NKAIN2: variants seen among roughly 807,000 people sequenced by gnomAD.
The protein encoded by NKAIN2 is sodium/potassium-transporting ATPase subunit beta-1-interacting protein 2.
NKAIN2 carries 14 observed loss-of-function variants against 32.6 expected under a neutral mutation model. The observed-to-expected ratio is 0.43, with a 90% confidence interval of 0.28 to 0.67. The LOEUF (loss-of-function observed/expected upper bound fraction) is 0.67, where lower values mean the gene tolerates loss of function less well. Ranked by LOEUF, NKAIN2 falls within the 30% of genes least tolerant of loss-of-function variation. The pLI is 0.17. For missense variants in NKAIN2, 198 were observed against 258.3 expected, an observed-to-expected ratio of 0.77 and a Z score of 1.60; for synonymous variants, 80 against 87.2, an observed-to-expected ratio of 0.92 and a Z score of 0.46.
chr6:124,755,247 A>G (rs1777909062), intron 4 of NKAIN2, among the ~76,000 whole-genome samples: 2 of 152,152 alleles, frequency 1.3e-5, no homozygotes, highest in Non-Finnish European at 1.5e-5. Flanking sequence ...GACATCCAAT[A>G]TGGGAGAAAG....
chr6:124,025,605 G>A (rs1020755639), intron 1 of NKAIN2, among the ~76,000 whole-genome samples: 1 of 152,042 alleles, frequency 6.6e-6, no homozygotes, highest in Non-Finnish European at 1.5e-5. Context: ...ATAAGTTCTG[G>A]GTATCTATTG....
At chr6:124,009,587 A>G (rs1179593409) in intron 1 of NKAIN2, among the ~76,000 whole-genome samples, 1 of 152,084 alleles carries the variant, frequency 6.6e-6, no homozygotes, top group African/African-American at 2.4e-5. Context: ...CCAAATGGGT[A>G]CTTCTGAGTT....
chr6:124,552,436 T>C (rs1409046196), intron 3 of NKAIN2, among the ~76,000 whole-genome samples: 1 of 152,198 alleles, frequency 6.6e-6, no homozygotes, highest in African/African-American at 2.4e-5. Flanking sequence ...TCCTTTATAA[T>C]CCAGTAGCTG....
At chr6:124,696,762 G>A (rs571997094) in intron 4 of NKAIN2, among the ~76,000 whole-genome samples, 1 of 147,408 alleles carries the variant, frequency 6.8e-6, no homozygotes, top group African/African-American at 2.6e-5. Flanking sequence ...AAAAGTAAAA[G>A]GATCTATTTT....
At chr6:124,449,999 T>C (rs1776036309) in intron 3 of NKAIN2, among the ~76,000 whole-genome samples, 1 of 152,136 alleles carries the variant, frequency 6.6e-6, no homozygotes, top group African/African-American at 2.4e-5. Flanking sequence ...TGACTTTCAA[T>C]GGATGCAGTC....
chr6:123,869,610 T>C (rs1036713863), intron 1 of NKAIN2, among the ~76,000 whole-genome samples: 1 of 152,204 alleles, frequency 6.6e-6, no homozygotes, highest in African/African-American at 2.4e-5. Context: ...AGTCATTCAA[T>C]TGGATTCATA....
At position 124,330,167 on chromosome 6, in the gene NKAIN2, C is replaced by T. The variant is rs368931358; in HGVS notation, c.193-25100C>T. Among the ~76,000 whole-genome samples, 16 of 152,262 alleles carry T rather than the reference C, an allele frequency of 1.1e-4. No individual in the cohort carries two copies. The East Asian group carries it at 3.1e-3, about 29-fold the overall frequency. ...TTAAGAGTTTCAGTGTTACTGAATG[C>T]CAAGAACTATTATCACACCATCTAT... On this transcript the variant is annotated intron_variant, in intron 2 of 6. Transcript: ENST00000368417.
intron 2 of NKAIN2, among the ~76,000 whole-genome samples, chr6:124,328,387 A>G (rs1236562908): frequency 6.6e-6 from 1 of 152,138 alleles, no homozygotes; most frequent in Non-Finnish European, 1.5e-5. Flanking sequence ...TTCTACTACT[A>G]CAGTTTATGC....
chr6:124,022,738 A>G (rs1780920782), intron 1 of NKAIN2, among the ~76,000 whole-genome samples: 1 of 152,196 alleles, frequency 6.6e-6, no homozygotes, highest in Admixed American at 6.5e-5. Context: ...ACAGATTAGC[A>G]ATTTAAATAG....
intron 1 of NKAIN2, among the ~76,000 whole-genome samples, chr6:124,272,697 C>G (rs1373121525): frequency 1.3e-5 from 2 of 152,180 alleles, no homozygotes; most frequent in African/African-American, 4.8e-5. Context: ...CAACAGCTTG[C>G]ACCATGCACC....
intron 3 of NKAIN2, among the ~76,000 whole-genome samples, chr6:124,410,894 ATAGT>A (rs1562165763): frequency 1.3e-5 from 2 of 152,052 alleles, no homozygotes. Context: ...TATATTTAGG[ATAGT>A]TAGTTCTTGT....
At chr6:124,763,224 A>C (rs1316715160) in intron 4 of NKAIN2, among the ~76,000 whole-genome samples, 4 of 152,242 alleles carry the variant, frequency 2.6e-5, no homozygotes, top group South Asian at 2.1e-4. Flanking sequence ...CTATTGTACA[A>C]CATGGTGACT....
intron 1 of NKAIN2, among the ~76,000 whole-genome samples, chr6:123,981,958 T>A (rs1778918924): frequency 6.6e-6 from 1 of 152,188 alleles, no homozygotes; most frequent in African/African-American, 2.4e-5. Flanking sequence ...AATTAAAATG[T>A]GAGGAGCACT....
intron 3 of NKAIN2, among the ~76,000 whole-genome samples, chr6:124,494,659 A>G (rs904945904): frequency 2.0e-5 from 3 of 152,174 alleles, no homozygotes; most frequent in Non-Finnish European, 4.4e-5. Flanking sequence ...GAAGAGACCA[A>G]GTAAATTTAA....
chr6:124,381,360 C>A (rs1772626792), intron 3 of NKAIN2, among the ~76,000 whole-genome samples: 1 of 151,950 alleles, frequency 6.6e-6, no homozygotes, highest in Admixed American at 6.6e-5. Context: ...AGAAGTAAAT[C>A]AAAACTTTTA....
chr6:124,466,241 A>G (rs1018759182), intron 3 of NKAIN2, among the ~76,000 whole-genome samples: 6 of 152,116 alleles, frequency 3.9e-5, no homozygotes, highest in Admixed American at 3.3e-4. Flanking sequence ...GCCAACCATG[A>G]CGTTATAACT....
chr6:124,060,328 A>C (rs975585673), intron 1 of NKAIN2, among the ~76,000 whole-genome samples: 3 of 152,190 alleles, frequency 2.0e-5, no homozygotes, highest in African/African-American at 4.8e-5. Flanking sequence ...GAATCAAATT[A>C]GCCTCTATGC....
chr6:123,864,037 A>G (rs555067195), intron 1 of NKAIN2, among the ~76,000 whole-genome samples: 1 of 152,168 alleles, frequency 6.6e-6, no homozygotes, highest in East Asian at 1.9e-4. Context: ...GACAGATACT[A>G]CTACTTCCTC....
chr6:124,698,978 A>G (rs1774634241), intron 4 of NKAIN2, among the ~76,000 whole-genome samples: 1 of 152,216 alleles, frequency 6.6e-6, no homozygotes, highest in South Asian at 2.1e-4. Context: ...AATTCCACTC[A>G]TTAACTGTAG....
Sources: gnomAD v4.1 joint callset for allele counts (sites outside exome capture counted in the v4.1 genomes callset) on GRCh38, gnomAD v4.1.1 for gene constraint, MANE v1.5 for transcripts, NCBI Gene and HGNC (gene_info 2026-07-23, HGNC 2026-07-21) for gene names.